A4GALT: variants seen among roughly 807,000 people sequenced by gnomAD.
A4GALT encodes the protein lactosylceramide 4-alpha-galactosyltransferase.
For missense variants in A4GALT, 512 were observed against 486.0 expected (o/e 1.05, Z -0.50); for synonymous variants, 257 against 220.7 (o/e 1.16, Z -1.46).
chr22:42,696,366 G>T (rs1367288933), intron 1 of A4GALT, among the ~76,000 whole-genome samples: 1 of 150,296 alleles, frequency 6.7e-6, no homozygotes, highest in Non-Finnish European at 1.5e-5. Flanking sequence ...GTTGCAGTGC[G>T]CCGAGATTGC....
chr22:42,718,844 C>G (rs1446961947), intron 1 of A4GALT, among the ~76,000 whole-genome samples: 1 of 152,166 alleles, frequency 6.6e-6, no homozygotes, highest in African/African-American at 2.4e-5. Flanking sequence ...TAGCAGGTCC[C>G]CAAAGAAGGA....
intron 1 of A4GALT, among the ~76,000 whole-genome samples, chr22:42,709,198 T>A (rs997938237): frequency 5.9e-5 from 9 of 151,598 alleles, no homozygotes; most frequent in African/African-American, 1.7e-4. Flanking sequence ...TAGCTGGGAC[T>A]ACAGGCACAT....
At chr22:42,717,441 C>G (rs1922289495) in intron 1 of A4GALT, among the ~76,000 whole-genome samples, 2 of 152,178 alleles carry the variant, frequency 1.3e-5, no homozygotes, top group African/African-American at 4.8e-5. Context: ...TGACTTCCAA[C>G]TCCCTCTGGG....
Position 42,692,612 on chromosome 22 carries a change from G to A in A4GALT, c.*278C>T. 1 of 593,620 alleles carries A rather than the reference G, an allele frequency of 1.7e-6. No individual in the cohort carries two copies. Among genetic ancestry groups the A allele is most frequent in the Non-Finnish European group, 3.2e-6 (1 of 314,964 alleles). The allele number at this position is 593,620 out of a possible 1,614,324, so 36.8% of individuals were successfully genotyped here. A position where few individuals can be genotyped will look rare whatever the true frequency, so the allele number is the denominator to read the frequency against. ...TCCGCACCACCTGGGGGTGCCCTGAGGTTCATCCTTCCTGCCTGTTGTCTA... is the reference window on the plus strand; with the variant it reads ...TCCGCACCACCTGGGGGTGCCCTGAAGTTCATCCTTCCTGCCTGTTGTCTA... On this transcript the variant is annotated 3_prime_UTR_variant, in exon 3 of 3. Coordinates refer to ENST00000642412, the MANE Select transcript of A4GALT (RefSeq NM_017436.7). The surrounding 1 kb of genome is among the most constrained non-coding windows in gnomAD (Gnocchi z 4.6).
intron 1 of A4GALT, among the ~76,000 whole-genome samples, chr22:42,699,296 G>C (rs932901886): frequency 6.6e-6 from 1 of 152,112 alleles, no homozygotes; most frequent in Non-Finnish European, 1.5e-5. Context: ...AGTTTGCCAA[G>C]CTAGTCTTGA....
chr22:42,713,766 C>T (rs934341102), intron 1 of A4GALT, among the ~76,000 whole-genome samples: 1 of 148,184 alleles, frequency 6.7e-6, no homozygotes, highest in East Asian at 2.0e-4. Context: ...GAGCCAAGAC[C>T]GTGCCATTGC....
chr22:42,721,251 A>G (rs1363527601), upstream of A4GALT: 2 of 152,126 alleles, frequency 1.3e-5, no homozygotes, highest in Non-Finnish European at 2.9e-5. Context: ...GGACCGTGCT[A>G]AGGGCATTGC....
intron 1 of A4GALT, among the ~76,000 whole-genome samples, chr22:42,717,457 T>C (rs1011521622): frequency 6.6e-6 from 1 of 152,054 alleles, no homozygotes; most frequent in African/African-American, 2.4e-5. Context: ...CTGGGGAAGA[T>C]CAAAGCCAAT....
At chr22:42,709,468 T>C (rs67194282) in intron 1 of A4GALT, among the ~76,000 whole-genome samples, 52,352 of 151,818 alleles carry the variant, frequency 0.34, 10,167 homozygotes, top group South Asian at 0.45. Flanking sequence ...AAATAAAATA[T>C]AAGCAAATAG....
At chr22:42,707,036 G>T (rs1023264046) in intron 1 of A4GALT, among the ~76,000 whole-genome samples, 6 of 152,028 alleles carry the variant, frequency 3.9e-5, no homozygotes, top group Non-Finnish European at 7.4e-5. Flanking sequence ...ACTAATAAGA[G>T]ATTTTAATTT....
intron 2 of A4GALT, 56 bp from the exon 3 acceptor site, chr22:42,694,053 G>A (rs995304572): frequency 7.4e-6 from 8 of 1,075,722 alleles, no homozygotes; most frequent in Non-Finnish European, 9.5e-6. Context: ...CGATCCACAA[G>A]GAAAACGCTT....
intron 1 of A4GALT, among the ~76,000 whole-genome samples, chr22:42,695,992 G>A (rs1930896846): frequency 6.6e-6 from 1 of 151,522 alleles, no homozygotes; most frequent in African/African-American, 2.4e-5. Flanking sequence ...GCGCGGTGGT[G>A]TGCGCCTGTA....
At chr22:42,698,905 C>T (rs1326916617) in intron 1 of A4GALT, among the ~76,000 whole-genome samples, 1 of 151,880 alleles carries the variant, frequency 6.6e-6, no homozygotes, top group Non-Finnish European at 1.5e-5. Context: ...CTCTGCTACA[C>T]TCCCACCAGC....
At position 42,692,974 on chromosome 22, in the gene A4GALT, G is replaced by A. The variant is rs551458379; in HGVS notation, c.978C>T (p.Phe326=). The A allele has an allele frequency of 1.5e-5, 24 of 1,612,962 alleles. No homozygotes were observed. Among genetic ancestry groups the A allele is most frequent in the Non-Finnish European group, 1.9e-5 (22 of 1,179,954 alleles). ...CCAGCAGTGCCCTGGACGTGGCCTC[G>A]AACCGCGTGCCCTGGCTCTTCTTGT... The part of the protein sequence containing the change: ...VWNKKSQGTR[F]EATSRALLAQ... The change falls in exon 3 of 3, where the codon TTC becomes TTT. Residue 326 remains phenylalanine (F), a synonymous_variant. Transcript: ENST00000642412. This position sits in a 1 kb window ranked among gnomAD's most constrained non-coding sequence, Gnocchi z 4.6.
chr22:42,702,290 T>C (rs1220209047), intron 1 of A4GALT, among the ~76,000 whole-genome samples: 1 of 150,242 alleles, frequency 6.7e-6, no homozygotes, highest in East Asian at 1.9e-4. Context: ...TGTTGAGGAC[T>C]TGTGTCCCCC....
intron 1 of A4GALT, among the ~76,000 whole-genome samples, chr22:42,719,178 G>T (rs1922465192): frequency 6.6e-6 from 1 of 152,206 alleles, no homozygotes; most frequent in South Asian, 2.1e-4. Context: ...GCTTCAATTA[G>T]TACAAGGAAA....
In A4GALT at chr22:42,693,469, G is replaced by T; in HGVS notation, c.483C>A (p.Ala161=). The change falls in exon 3 of 3, where the codon GCC becomes GCA. Residue 161 remains alanine, a synonymous_variant. Transcript: ENST00000642412. ...RDTPLADWYA[A]VQGRWEPYLL... Reference sequence around the variant, plus strand: ...GGTAGGGCTCCCAGCGCCCCTGCACGGCCGCGTACCAGTCGGCCAGGGGTG... The same window carrying T: ...GGTAGGGCTCCCAGCGCCCCTGCACTGCCGCGTACCAGTCGGCCAGGGGTG... 1 of 1,613,146 alleles carries T rather than the reference G, an allele frequency of 6.2e-7. No homozygotes were observed. Among genetic ancestry groups the T allele is most frequent in the Non-Finnish European group, 8.5e-7 (1 of 1,179,956 alleles).
chr22:42,692,662 G>A lies in A4GALT; in HGVS notation c.*228C>T, dbSNP rs56308900. On this transcript the variant is annotated 3_prime_UTR_variant, in exon 3 of 3. Coordinates refer to ENST00000642412, the MANE Select transcript of A4GALT (RefSeq NM_017436.7). This position sits in a 1 kb window ranked among gnomAD's most constrained non-coding sequence, Gnocchi z 4.6. The stretch of plus-strand genomic sequence containing the variant: ...AGAAGGCCCGGGGCACTCACTGAGC[G>A]CCCTCCGCTGGCTATGGCACCATGT... The A allele has an allele frequency of 9.0e-3, 6,116 of 679,822 alleles. 260 individuals carry two copies. In the East Asian group the frequency reaches 0.1, roughly 12 times the overall value. The allele number at this position is 679,822 out of a possible 1,614,324, so 42.1% of individuals were successfully genotyped here.
chr22:42,720,282 T>C (rs979365428), intron 1 of A4GALT, among the ~76,000 whole-genome samples: 1 of 68,330 alleles, frequency 1.5e-5, no homozygotes, highest in Non-Finnish European at 3.2e-5. Flanking sequence ...TCACCCTCCC[T>C]AAGGCCGGCG....
Sources: gnomAD v4.1 joint callset for allele counts (sites outside exome capture counted in the v4.1 genomes callset) on GRCh38, gnomAD v4.1.1 for gene constraint, Gnocchi (gnomAD v3.1) non-coding constraint, MANE v1.5 for transcripts, NCBI Gene and HGNC (gene_info 2026-07-23, HGNC 2026-07-21) for gene names.